The following SLC26A5 variants were observed in gnomAD, a reference collection of about 807,000 sequenced individuals.
The protein encoded by SLC26A5 is prestin.
Under a neutral mutation model 81.0 loss-of-function variants are expected in SLC26A5, and 51 were observed. The observed-to-expected ratio is 0.63, with a 90% CI of 0.50 to 0.80. The LOEUF is 0.80. Ranked by LOEUF, SLC26A5 falls within the 30% of genes least tolerant of loss-of-function variation. The pLI is 0.00. For missense variants in SLC26A5, 771 were observed against 905.8 expected (o/e 0.85, Z 1.91); for synonymous variants, 325 against 332.8 (o/e 0.98, Z 0.25).
chr7:103,379,378 T>G, intron 15 of SLC26A5, 43 bp from the exon 16 acceptor site: 1 of 1,342,448 alleles, frequency 7.4e-7, no homozygotes, highest in Non-Finnish European at 1.1e-6. Context: ...TGGAAATATT[T>G]CAGAATCAAA....
chr7:103,354,455 G>A (rs1170581083), intron 19 of SLC26A5, among the ~76,000 whole-genome samples: 2 of 146,252 alleles, frequency 1.4e-5, no homozygotes, highest in Non-Finnish European at 3.0e-5. Context: ...TGCAACCTCC[G>A]CCTCCTGGGT....
intron 12 of SLC26A5, 133 bp downstream of exon 12, chr7:103,390,296 C>G: frequency 1.2e-6 from 1 of 850,434 alleles, no homozygotes; most frequent in East Asian, 2.5e-5. Flanking sequence ...TGGTCCTAGC[C>G]TTGGCCCTTT....
chr7:103,418,914 G>A (rs531839651), intron 4 of SLC26A5, among the ~76,000 whole-genome samples: 1 of 152,170 alleles, frequency 6.6e-6, no homozygotes, highest in East Asian at 1.9e-4. Context: ...GTGTCCCTAC[G>A]CAAATCTCAT....
chr7:103,368,263 C>T (rs1477570257), intron 19 of SLC26A5: 11 of 505,674 alleles, frequency 2.2e-5, no homozygotes, highest in Non-Finnish European at 3.7e-5. Context: ...GACCCACACC[C>T]GTTTAAGGAT....
chr7:103,371,309 CCTTT>C (rs1563502861), downstream of SLC26A5, among the ~76,000 whole-genome samples: 1 of 151,682 alleles, frequency 6.6e-6, no homozygotes, highest in Admixed American at 6.6e-5. Context: ...AAGACAAATA[CCTTT>C]TTTTATACAC....
Position 103,367,784 on chromosome 7 carries a change from A to G in SLC26A5, c.2041+9024T>C. The G allele has an allele frequency of 6.2e-7, 1 of 1,613,912 alleles. No homozygotes were observed. The highest frequency in any genetic ancestry group is 2.2e-5 in the East Asian group (1 of 44,880). ...AAAGAGATATCAGATTTGAACTGTT[A>G]GCACGACTGTGTCCAAATAGCACTG... On this transcript the variant is annotated intron_variant, in intron 19 of 19. Coordinates refer to the SLC26A5 transcript ENST00000339444. The surrounding 1 kb of genome is among the most constrained non-coding windows in gnomAD (Gnocchi z 6.1).
intron 8 of SLC26A5, among the ~76,000 whole-genome samples, chr7:103,403,396 C>T (rs1249561501): frequency 6.6e-6 from 1 of 152,014 alleles, no homozygotes; most frequent in Non-Finnish European, 1.5e-5. Context: ...TTGCTTGGTC[C>T]AGAGCTGAGT....
Position 103,397,950 on chromosome 7 carries a change from A to G in SLC26A5, c.953T>C (p.Val318Ala). 6.2e-7 allele frequency: 1 copy of G among 1,614,040 alleles called. No homozygotes were observed. Among genetic ancestry groups the G allele is most frequent in the South Asian group, 1.1e-5 (1 of 91,080 alleles). Reference protein sequence around the residue: ...NLKESYNVDVVGTLPLGLLPP... With the variant: ...NLKESYNVDVAGTLPLGLLPP... ...TTCCTACCCTAGAGGAAGTGTTCCA[A>G]CGACATCCACATTGTATGATTCTTT... is the stretch of plus-strand genomic sequence containing the variant. Residue 318 changes from valine (V) to alanine (A), a missense_variant, in exon 9 of 20, where the codon GTT (valine) becomes GCT (alanine). Val to Ala is a moderately conservative substitution (Grantham distance 64, BLOSUM62 0). Coordinates refer to ENST00000306312, the MANE Select transcript of SLC26A5 (RefSeq NM_198999.3).
chr7:103,394,441 G>C (rs888439433), intron 9 of SLC26A5, among the ~76,000 whole-genome samples: 7 of 152,200 alleles, frequency 4.6e-5, no homozygotes, highest in African/African-American at 1.7e-4. Flanking sequence ...TGAACTAAGA[G>C]GGAAGGCCTA....
chr7:103,420,857 CTTA>C lies in SLC26A5; in HGVS notation c.170_172del (p.Ile57del). 1 of 1,611,974 alleles carries C rather than the reference CTTA, an allele frequency of 6.2e-7. No individual in the cohort carries two copies. The highest frequency in any genetic ancestry group is 8.5e-7 in the Non-Finnish European group (1 of 1,178,202). On this transcript the variant is annotated inframe_deletion, in exon 4 of 20. Transcript: ENST00000306312. ...GGGTAGGAACATATAAATGATATTTCTTATTTTTTTAGGAGTACATCTGAAAGG... is the reference window on the plus strand; with the variant it reads ...GGGTAGGAACATATAAATGATATTTCTTTTTTTAGGAGTACATCTGAAAGG...
Position 103,420,816 on chromosome 7 carries a change from G to A in SLC26A5, c.214C>T (p.Pro72Ser). 2 of 1,613,936 alleles carry A rather than the reference G, an allele frequency of 1.2e-6. No individual in the cohort carries two copies. The highest frequency in any genetic ancestry group is 1.7e-6 in the Non-Finnish European group (2 of 1,179,836). The change falls in exon 4 of 20, where the codon CCA becomes TCA. Residue 72 changes from proline to serine, a missense_variant. By Grantham distance (74) the Pro-to-Ser change is moderately conservative (BLOSUM62 -1). Coordinates refer to ENST00000306312, the MANE Select transcript of SLC26A5 (RefSeq NM_198999.3). ...YMFLPITKWL[P>S]AYKFKEYVLG... ...ACATATTCCTTGAATTTGTATGCTGGCAGCCATTTAGTTATGGGTAGGAAC... is the reference window on the plus strand; with the variant it reads ...ACATATTCCTTGAATTTGTATGCTGACAGCCATTTAGTTATGGGTAGGAAC...
At chr7:103,411,292 A>T in intron 6 of SLC26A5, 128 bp downstream of exon 6, 2 of 1,019,098 alleles carry the variant, frequency 2.0e-6, no homozygotes, top group Middle Eastern at 2.2e-4. Flanking sequence ...GTCTGCAGTT[A>T]CTCCCAGAGC....
downstream of SLC26A5, among the ~76,000 whole-genome samples, chr7:103,371,326 CT>C (rs770416053): frequency 9.9e-3 from 1,410 of 142,738 alleles, 7 homozygotes; most frequent in African/African-American, 0.027. Context: ...TTATACACTA[CT>C]TTTTTTTTTT....
rs1174851601 is a variant in SLC26A5 at position 103,390,432 on chromosome 7, G to T, written c.1308C>A (p.Pro436=). The T allele has an allele frequency of 1.9e-6, 3 of 1,613,564 alleles. No homozygotes were observed. In the African/African-American group the frequency reaches 4.0e-5, roughly 22 times the overall value. The change falls in exon 12 of 20, where the codon CCC becomes CCA. Residue 436 remains proline (P), a synonymous_variant. Coordinates refer to ENST00000306312, the MANE Select transcript of SLC26A5 (RefSeq NM_198999.3). ...LATGFLFESL[P]QAVLSAIVIV... is the part of the protein sequence containing the mutation. The stretch of plus-strand genomic sequence containing the variant: ...CCCAAGTCCACATTACACACACCTG[G>T]GGCAATGATTCAAAGAGGAATCCAG...
rs760163529 is a variant in SLC26A5, at chr7:103,374,475, G to GC, written c.2158dup (p.Ala720GlyfsTer2). On this transcript the variant is annotated frameshift_variant, in exon 20 of 20. Transcript: ENST00000306312. LOFTEE classifies it high-confidence loss of function. ...AGGGGGAGCCGAGGCTTCCTGTTCA[G>GC]CAAGTGCCTCTCTAAGTTGGCTGCC... The GC allele has an allele frequency of 1.5e-5, 25 of 1,613,522 alleles. No homozygotes were observed. The highest frequency in any genetic ancestry group is 1.9e-5 in the Non-Finnish European group (22 of 1,180,030).
At chr7:103,355,821 AC>A in intron 19 of SLC26A5, 1 of 1,499,462 alleles carries the variant, frequency 6.7e-7, no homozygotes, top group Admixed American at 1.7e-5. Context: ...GTGGCAACTT[AC>A]CTTTGTCTGT....
chr7:103,394,680 C>T lies in SLC26A5; in HGVS notation c.972-1614G>A, dbSNP rs76214221. 5.5e-3 allele frequency among the ~76,000 whole-genome samples: 835 copies of T among 152,230 alleles called. 53 individuals are homozygous for T. The East Asian group carries it at 0.14, about 25-fold the overall frequency. ...GCAGATGCATTTATATGTGTAGGTACGTGTATATAGAAGCATGGTAGTTTG... is the reference window on the plus strand; with the variant it reads ...GCAGATGCATTTATATGTGTAGGTATGTGTATATAGAAGCATGGTAGTTTG... On this transcript the variant is annotated intron_variant, in intron 9 of 19. Transcript: ENST00000306312.
intron 12 of SLC26A5, among the ~76,000 whole-genome samples, chr7:103,389,879 C>T (rs1365658752): frequency 2.0e-5 from 3 of 152,166 alleles, no homozygotes; most frequent in African/African-American, 4.8e-5. Flanking sequence ...CTGCCCGCCT[C>T]AGCCTCCCAA....
At chr7:103,444,320 C>T (rs1186079296) in intron 1 of SLC26A5, among the ~76,000 whole-genome samples, 2 of 152,148 alleles carry the variant, frequency 1.3e-5, no homozygotes, top group East Asian at 3.8e-4. Context: ...GGAATACGGA[C>T]GTGCTTCCTA....
Sources: allele counts gnomAD v4.1 joint callset (sites outside exome capture counted in the v4.1 genomes callset), GRCh38; gene constraint gnomAD v4.1.1; non-coding constraint Gnocchi (gnomAD v3.1); transcripts MANE v1.5; gene names NCBI Gene and HGNC (gene_info 2026-07-23, HGNC 2026-07-21).